The following CEP63 variants were observed in gnomAD, a reference collection of about 807,000 sequenced individuals.
CEP63 encodes centrosomal protein 63, also known as centrosomal protein of 63 kDa.
In CEP63, 84 loss-of-function variants were observed where a neutral mutation model predicts 89.1. That is an observed-to-expected ratio of 0.94 (90% CI 0.79 to 1.13). The LOEUF (loss-of-function observed/expected upper bound fraction) is 1.13. Ranked by LOEUF, CEP63 falls within the 50% of genes most tolerant of loss-of-function variation. The probability of loss-of-function intolerance (pLI) is 0.00; values close to 1 mark genes in which losing one functional copy is unlikely to be tolerated. For synonymous variants in CEP63, 267 were observed against 272.5 expected, an observed-to-expected ratio of 0.98 and a Z score of 0.20; for missense variants, 838 against 813.3, an observed-to-expected ratio of 1.03 and a Z score of -0.37.
In CEP63 at chr3:134,510,603, A is replaced by G. The variant is rs142466880; in HGVS notation, c.222+3317A>G. 84 of 653,496 alleles carry G rather than the reference A, an allele frequency of 1.3e-4. 1 individual carries two copies. Among genetic ancestry groups the G allele is most frequent in the African/African-American group, 1.2e-3 (67 of 54,734 alleles). 40.5% of individuals were successfully genotyped at this position (653,496 alleles called of 1,614,324 possible). On this transcript the variant is annotated intron_variant, in intron 3 of 14. Transcript: ENST00000675561. ...GCACAACTTACTGTCTTCAAGGTGC[A>G]GGGGTGGGAAATTGGGAGGCGGGAA...
the CEP63 span, among the ~76,000 whole-genome samples, chr3:134,630,930 G>A: frequency 6.6e-6 from 1 of 152,186 alleles, no homozygotes; most frequent in African/African-American, 2.4e-5. Flanking sequence ...AGAAGTAAGT[G>A]AAGATTTTAG....
At chr3:134,596,130 A>G in the CEP63 span, among the ~76,000 whole-genome samples, 1 of 152,212 alleles carries the variant, frequency 6.6e-6, no homozygotes, top group African/African-American at 2.4e-5. Flanking sequence ...TGGGTTAAAT[A>G]GAAGCATCAA....
chr3:134,776,519 G>A, the CEP63 span, among the ~76,000 whole-genome samples: 2 of 152,170 alleles, frequency 1.3e-5, no homozygotes, highest in South Asian at 2.1e-4. Flanking sequence ...AATGGCTGCT[G>A]CATTGTGTGT....
At chr3:134,608,881 G>T in the CEP63 span, 3 of 1,568,934 alleles carry the variant, frequency 1.9e-6, 1 homozygote, top group South Asian at 2.4e-5. Context: ...CTCCATGCAG[G>T]GGAGGCAGGG....
chr3:134,706,805 T>C, the CEP63 span, among the ~76,000 whole-genome samples: 1 of 152,238 alleles, frequency 6.6e-6, no homozygotes, highest in Non-Finnish European at 1.5e-5. Flanking sequence ...TCCCAGCTTC[T>C]GGTGGCTCCA....
chr3:134,746,068 A>AC, the CEP63 span, among the ~76,000 whole-genome samples: 22,519 of 119,270 alleles, frequency 0.19, 2,114 homozygotes, highest in Middle Eastern at 0.3. Context: ...CTCCTCCACC[A>AC]CCCCCCCCAC....
chr3:134,550,583 G>A (rs190811413), intron 11 of CEP63, among the ~76,000 whole-genome samples: 90 of 152,280 alleles, frequency 5.9e-4, no homozygotes, highest in Non-Finnish European at 9.7e-4. Context: ...GTGATGGGGA[G>A]GAAAAGTGTT....
chr3:134,584,969 T>TTTTTTTTTTTTTTTTTTTTTTTTTA (rs1560081089), intron 10 of CEP63, among the ~76,000 whole-genome samples: 1 of 146,992 alleles, frequency 6.8e-6, no homozygotes, highest in Non-Finnish European at 1.5e-5. Flanking sequence ...TTTTTTTTTT[T>TTTTTTTTTTTTTTTTTTTTTTTTTA]TTTTTGCATG....
At chr3:134,699,267 G>A in the CEP63 span, among the ~76,000 whole-genome samples, 1 of 152,190 alleles carries the variant, frequency 6.6e-6, no homozygotes, top group Non-Finnish European at 1.5e-5. Flanking sequence ...AAAGCAGCAG[G>A]GTCAAACCCG....
the CEP63 span, chr3:134,603,793 G>T: frequency 5.6e-6 from 9 of 1,613,244 alleles, no homozygotes; most frequent in East Asian, 2.0e-4. Flanking sequence ...ATTCCGGTTG[G>T]CAGGAAGCAC....
At chr3:134,524,368 GC>G (rs968860310) in intron 3 of CEP63, among the ~76,000 whole-genome samples, 9 of 152,224 alleles carry the variant, frequency 5.9e-5, no homozygotes, top group African/African-American at 2.2e-4. Flanking sequence ...CTATTTGGAT[GC>G]CCTTTATTTC....
the CEP63 span, among the ~76,000 whole-genome samples, chr3:134,672,150 C>G: frequency 9.9e-5 from 15 of 152,218 alleles, no homozygotes; most frequent in African/African-American, 3.4e-4. Flanking sequence ...CCACCAGAGT[C>G]AGATTGAATT....
chr3:134,739,700 CTTGT>C, the CEP63 span, among the ~76,000 whole-genome samples: 2 of 137,758 alleles, frequency 1.5e-5, no homozygotes, highest in African/African-American at 2.8e-5. Context: ...CAAATCAATG[CTTGT>C]TTTTTTTTTT....
Position 134,563,295 on chromosome 3 carries a change from C to G in CEP63, c.*1760C>G, listed in dbSNP as rs1957506534. 1 of 152,216 alleles carries G rather than the reference C, an allele frequency of 6.6e-6. No homozygotes were observed. The highest frequency in any genetic ancestry group is 1.5e-5 in the Non-Finnish European group (1 of 68,080). 9.4% of individuals were successfully genotyped at this position (152,216 alleles called of 1,614,324 possible). A position where few individuals can be genotyped will look rare whatever the true frequency, so the allele number is the denominator to read the frequency against. On this transcript the variant is annotated 3_prime_UTR_variant, in exon 15 of 15. Transcript: ENST00000675561. ...TGATCCAGACTACTTCTCTCTCACC[C>G]TGATTCTGGCAGTAGCCTCCTAACT...
intron 3 of CEP63, among the ~76,000 whole-genome samples, chr3:134,508,405 G>C (rs1319180503): frequency 6.6e-6 from 1 of 152,156 alleles, no homozygotes; most frequent in Non-Finnish European, 1.5e-5. Flanking sequence ...ACAGTGAATG[G>C]TGATCTTGTT....
downstream of CEP63, among the ~76,000 whole-genome samples, chr3:134,566,503 C>G (rs1239401978): frequency 2.6e-5 from 4 of 152,062 alleles, no homozygotes; most frequent in Non-Finnish European, 2.9e-5. Context: ...TGGGGAGAGA[C>G]ATAAAATTGG....
At chr3:134,777,882 T>G in the CEP63 span, among the ~76,000 whole-genome samples, 1 of 151,776 alleles carries the variant, frequency 6.6e-6, no homozygotes, top group African/African-American at 2.4e-5. Context: ...CCCAAAGTGC[T>G]GGGATTACAG....
At chr3:134,485,839 A>T, upstream of CEP63, 1 of 310,120 alleles carries the variant, frequency 3.2e-6, no homozygotes, top group Non-Finnish European at 4.7e-6. Context: ...AAAAACGGTT[A>T]TGAGCGTAAA....
chr3:134,595,415 C>G, the CEP63 span, among the ~76,000 whole-genome samples: 1 of 152,166 alleles, frequency 6.6e-6, no homozygotes, highest in East Asian at 1.9e-4. Flanking sequence ...TCGGGTATGT[C>G]TTTATTAGCA....
Sources: gnomAD v4.1 joint callset for allele counts (sites outside exome capture counted in the v4.1 genomes callset) on GRCh38, gnomAD v4.1.1 for gene constraint, MANE v1.5 for transcripts, NCBI Gene and HGNC (gene_info 2026-07-23, HGNC 2026-07-21) for gene names.